The following CTTNBP2 variants were observed in gnomAD, a reference collection of about 807,000 sequenced individuals.
CTTNBP2 encodes cortactin-binding protein 2.
In CTTNBP2, 108 loss-of-function variants were observed where a neutral mutation model predicts 156.9. The observed-to-expected ratio is 0.69, with a 90% CI of 0.59 to 0.81. The LOEUF is 0.81. Ranked by LOEUF, CTTNBP2 falls within the 30% of genes least tolerant of loss-of-function variation. CTTNBP2 has a pLI of 0.00. For missense variants in CTTNBP2, 1,924 were observed against 2,035.4 expected (o/e 0.95, Z 1.05); for synonymous variants, 767 against 751.8 (o/e 1.02, Z -0.33).
In CTTNBP2 at chr7:117,792,093, G is replaced by A; in HGVS notation, c.1103C>T (p.Ala368Val). ...TGGAGGTGGGAAAGCGGGTACAGAA[G>A]CGCCAATCAAGTCACCATAGGAAGC... is the stretch of plus-strand genomic sequence containing the variant. Reference protein sequence around the residue: ...RQASYGDLIGASVPAFPPPSA... With the variant: ...RQASYGDLIGVSVPAFPPPSA... Residue 368 changes from alanine to valine, a missense_variant, in exon 4 of 23, where the codon GCT (alanine) becomes GTT (valine). Coordinates refer to ENST00000160373, the MANE Select transcript of CTTNBP2 (RefSeq NM_033427.3). This position sits in a 1 kb window ranked among gnomAD's most constrained non-coding sequence, Gnocchi z 4.2. 1.2e-6 allele frequency: 2 copies of A among 1,614,140 alleles called. No homozygotes were observed. Among genetic ancestry groups the A allele is most frequent in the Middle Eastern group, 1.6e-4 (1 of 6,062 alleles).
At chr7:117,774,341 A>G (rs1484292197) in intron 8 of CTTNBP2, among the ~76,000 whole-genome samples, 1 of 152,142 alleles carries the variant, frequency 6.6e-6, no homozygotes, top group East Asian at 1.9e-4. Flanking sequence ...TTTATCTACA[A>G]CACAAGGGAA....
intron 11 of CTTNBP2, among the ~76,000 whole-genome samples, chr7:117,756,891 C>T (rs1796914906): frequency 6.6e-6 from 1 of 152,192 alleles, no homozygotes; most frequent in Non-Finnish European, 1.5e-5. Flanking sequence ...GGGATGCCCA[C>T]CTACCTCCCA....
chr7:117,735,229 A>G (rs1444602134), intron 15 of CTTNBP2, 40 bp downstream of exon 15: 1 of 1,602,356 alleles, frequency 6.2e-7, no homozygotes, highest in Non-Finnish European at 8.5e-7. Flanking sequence ...AGAATATTAC[A>G]GAAGCTTGCT....
intron 16 of CTTNBP2, among the ~76,000 whole-genome samples, chr7:117,730,519 T>G (rs1329515314): frequency 6.6e-6 from 1 of 152,180 alleles, no homozygotes; most frequent in East Asian, 1.9e-4. Flanking sequence ...AAGGCTTAAA[T>G]AGTTGAATCC....
At chr7:117,768,000 C>T (rs543613490) in intron 8 of CTTNBP2, among the ~76,000 whole-genome samples, 6 of 152,142 alleles carry the variant, frequency 3.9e-5, no homozygotes, top group African/African-American at 1.4e-4. Flanking sequence ...TAATTTCCCA[C>T]AAGGCTAAGG....
chr7:117,763,908 C>G (rs1457521954), intron 9 of CTTNBP2, among the ~76,000 whole-genome samples: 1 of 152,020 alleles, frequency 6.6e-6, no homozygotes, highest in Non-Finnish European at 1.5e-5. Context: ...CTTCCTATTT[C>G]CCAATCTTCT....
Position 117,873,349 on chromosome 7 carries a change from C to G in CTTNBP2, c.67G>C (p.Ala23Pro), listed in dbSNP as rs547583096. 1 of 1,453,328 alleles carries G rather than the reference C, an allele frequency of 6.9e-7. No individual in the cohort carries two copies. The highest frequency in any genetic ancestry group is 2.6e-5 in the Admixed American group (1 of 39,122). 90.0% of individuals were successfully genotyped at this position (1,453,328 alleles called of 1,614,324 possible). A position where few individuals can be genotyped will look rare whatever the true frequency, so the allele number is the denominator to read the frequency against. ...AACTCGGTTACCGCCGCCTCCGCCG[C>G]GGCCCCCGCCGCGTCCTCCGGGGCC... is the stretch of plus-strand genomic sequence containing the variant. ...SRAPEDAAGA[A>P]AEAAKKEFDV... Residue 23 changes from alanine to proline, a missense_variant, in exon 1 of 23, where the codon GCG (alanine) becomes CCG (proline). By Grantham distance (27) the Ala-to-Pro change is conservative (BLOSUM62 -1). Transcript: ENST00000160373.
chr7:117,758,516 A>G (rs1797012658), intron 10 of CTTNBP2, among the ~76,000 whole-genome samples: 1 of 151,910 alleles, frequency 6.6e-6, no homozygotes, highest in Non-Finnish European at 1.5e-5. Context: ...CTTCATAGGT[A>G]TCTTCCCTAG....
chr7:117,798,321 G>A (rs150714963), intron 3 of CTTNBP2, among the ~76,000 whole-genome samples: 3 of 152,142 alleles, frequency 2.0e-5, no homozygotes, highest in Admixed American at 6.5e-5. Context: ...CTTTTCAAAC[G>A]TACTTGCTGA....
chr7:117,806,589 A>G (rs1799959096), intron 3 of CTTNBP2, among the ~76,000 whole-genome samples: 1 of 151,790 alleles, frequency 6.6e-6, no homozygotes, highest in Non-Finnish European at 1.5e-5. Context: ...TTTTCCTTTC[A>G]TTTTTAATTT....
chr7:117,791,032 T>TA (rs199814047), intron 4 of CTTNBP2, 96 bp downstream of exon 4: 22,182 of 1,041,018 alleles, frequency 0.021, 231 homozygotes, highest in Non-Finnish European at 0.025. Flanking sequence ...GCATCAAATT[T>TA]AAAAAAAAAG....
chr7:117,847,842 T>C (rs926224185), intron 2 of CTTNBP2, among the ~76,000 whole-genome samples: 1 of 104,034 alleles, frequency 9.6e-6, no homozygotes, highest in Non-Finnish European at 1.9e-5. Context: ...TTTTTTTTTT[T>C]TTTTTTTTGA....
intron 2 of CTTNBP2, among the ~76,000 whole-genome samples, chr7:117,827,437 T>G (rs1050977204): frequency 6.6e-6 from 1 of 152,212 alleles, no homozygotes; most frequent in Non-Finnish European, 1.5e-5. Flanking sequence ...GCTTTGATCA[T>G]GTGTGTTTGT....
At chr7:117,849,696 T>C (rs1213108215) in intron 2 of CTTNBP2, among the ~76,000 whole-genome samples, 1 of 152,160 alleles carries the variant, frequency 6.6e-6, no homozygotes, top group Non-Finnish European at 1.5e-5. Flanking sequence ...CATTGTTCTA[T>C]TCATTAAGGT....
At position 117,711,316 on chromosome 7, in the gene CTTNBP2, A is replaced by C. The variant is rs971601597; in HGVS notation, c.*221T>G. 8.6e-5 allele frequency: 41 copies of C among 475,938 alleles called. No individual in the cohort carries two copies. Among genetic ancestry groups the C allele is most frequent in the Non-Finnish European group, 1.4e-4 (38 of 272,336 alleles). The allele number at this position is 475,938 out of a possible 1,614,324, so 29.5% of individuals were successfully genotyped here. On this transcript the variant is annotated 3_prime_UTR_variant, in exon 23 of 23. Transcript: ENST00000160373. ...TAAAACTACTTGAAAAGTTGGCATAACTTCCTGGTATTGAAGTTCAATCCT... is the reference window on the plus strand; with the variant it reads ...TAAAACTACTTGAAAAGTTGGCATACCTTCCTGGTATTGAAGTTCAATCCT...
At chr7:117,871,963 A>G (rs1237317318) in intron 1 of CTTNBP2, 5 of 985,146 alleles carry the variant, frequency 5.1e-6, no homozygotes, top group Non-Finnish European at 6.0e-6. Flanking sequence ...GCCTTGTCTC[A>G]ATAGCTAGTT....
chr7:117,824,147 G>T (rs1322678491), intron 2 of CTTNBP2, among the ~76,000 whole-genome samples: 1 of 149,706 alleles, frequency 6.7e-6, no homozygotes, highest in South Asian at 2.2e-4. Context: ...CCTGAGGTCA[G>T]GTAGATTTTT....
intron 1 of CTTNBP2, among the ~76,000 whole-genome samples, chr7:117,869,906 G>A (rs1243421426): frequency 6.6e-6 from 1 of 152,132 alleles, no homozygotes; most frequent in African/African-American, 2.4e-5. Flanking sequence ...GAACCATATA[G>A]CTGAGACCAG....
intron 2 of CTTNBP2, among the ~76,000 whole-genome samples, chr7:117,854,488 G>T (rs1332667449): frequency 6.6e-6 from 1 of 152,160 alleles, no homozygotes; most frequent in Non-Finnish European, 1.5e-5. Flanking sequence ...TATTTAAAGT[G>T]ATTGCCTTTG....
Sources: gnomAD v4.1 joint callset for allele counts (sites outside exome capture counted in the v4.1 genomes callset) on GRCh38, gnomAD v4.1.1 for gene constraint, Gnocchi (gnomAD v3.1) non-coding constraint, MANE v1.5 for transcripts, NCBI Gene and HGNC (gene_info 2026-07-23, HGNC 2026-07-21) for gene names.